ZGRF1: variants seen among roughly 807,000 people sequenced by gnomAD.
ZGRF1 encodes zinc finger GRF-type containing 1.
A neutral mutation model predicts 203.5 loss-of-function variants in ZGRF1; 196 were observed. That is an observed-to-expected ratio of 0.96 (90% CI 0.86 to 1.08). The LOEUF (loss-of-function observed/expected upper bound fraction) is 1.08. Among genes scored for constraint, ZGRF1 ranks in the 50% least tolerant of loss-of-function variants. ZGRF1 has a pLI of 0.00. For synonymous variants in ZGRF1, 809 were observed against 841.3 expected (o/e 0.96, Z 0.66); for missense variants, 2,326 against 2,416.3 (o/e 0.96, Z 0.78).
intron 15 of ZGRF1, among the ~76,000 whole-genome samples, chr4:112,582,657 A>G (rs1357874750): frequency 6.6e-6 from 1 of 151,928 alleles, no homozygotes; most frequent in African/African-American, 2.4e-5. Context: ...ACGACGTTTC[A>G]TCATGTTGCC....
chr4:112,575,813 T>C (rs575908248), intron 16 of ZGRF1, among the ~76,000 whole-genome samples: 1 of 152,290 alleles, frequency 6.6e-6, no homozygotes, highest in East Asian at 1.9e-4. Flanking sequence ...CCGCAGCTCA[T>C]GGAGGACTGC....
chr4:112,561,523 C>T lies in ZGRF1; in HGVS notation c.4698-528G>A, dbSNP rs997332397. ...AATCAAAGGATATTTATTTTTTTAC[C>T]TAGGACTTCATTGTAGTGAGAAAAA... On this transcript the variant is annotated intron_variant, in intron 18 of 27. Coordinates refer to ENST00000505019, the MANE Select transcript of ZGRF1 (RefSeq NM_018392.5). 3.0e-4 allele frequency: 45 copies of T among 152,226 alleles called. 1 individual carries two copies. Among genetic ancestry groups the T allele is most frequent in the Non-Finnish European group, 1.5e-5 (1 of 68,386 alleles). 9.4% of individuals were successfully genotyped at this position (152,226 alleles called of 1,614,324 possible).
At chr4:112,569,051 C>T (rs1366635362) in intron 16 of ZGRF1, among the ~76,000 whole-genome samples, 1 of 152,028 alleles carries the variant, frequency 6.6e-6, no homozygotes, top group Non-Finnish European at 1.5e-5. Context: ...ATCAGACTTT[C>T]AAACAGTGAA....
intron 10 of ZGRF1, among the ~76,000 whole-genome samples, chr4:112,595,862 A>G (rs934154149): frequency 6.6e-6 from 1 of 152,216 alleles, no homozygotes; most frequent in Non-Finnish European, 1.5e-5. Flanking sequence ...CTTCTTTCTT[A>G]GTGCTGTATA....
rs760731907 is a variant in ZGRF1 at position 112,562,416 on chromosome 4, T to C, written c.4652A>G (p.Tyr1551Cys). 19 of 1,609,958 alleles carry C rather than the reference T, an allele frequency of 1.2e-5. No individual in the cohort carries two copies. In the African/African-American group the frequency reaches 2.1e-4, roughly 18 times the overall value. ...ELTTLKNIQD[Y>C]FNPATLPLTQ... ...TAGAGGTAGAGTAGCTGGATTAAAGTAGTCCTGAATGTTTTTCAAAGTAGT... is the reference window on the plus strand; with the variant it reads ...TAGAGGTAGAGTAGCTGGATTAAAGCAGTCCTGAATGTTTTTCAAAGTAGT... Residue 1551 changes from tyrosine (Y) to cysteine (C), a missense_variant, in exon 18 of 28, where the codon TAC (tyrosine) becomes TGC (cysteine). Transcript: ENST00000505019.
At chr4:112,598,895 T>G (rs1304979186) in intron 10 of ZGRF1, among the ~76,000 whole-genome samples, 2 of 151,608 alleles carry the variant, frequency 1.3e-5, no homozygotes, top group African/African-American at 4.8e-5. Flanking sequence ...TATAAAAAAT[T>G]TAAAAATTAG....
intron 24 of ZGRF1, among the ~76,000 whole-genome samples, chr4:112,545,508 C>T (rs12641767): frequency 0.31 from 47,406 of 152,020 alleles, 8,731 homozygotes; most frequent in South Asian, 0.46. Context: ...GTGGAGAAAT[C>T]AGAACACTTG....
At chr4:112,586,643 GT>G (rs1747243896) in intron 12 of ZGRF1, 60 bp from the exon 13 acceptor site, 2 of 1,232,460 alleles carry the variant, frequency 1.6e-6, no homozygotes, top group East Asian at 5.4e-5. Flanking sequence ...TTACTAAAGA[GT>G]AAATTATTTT....
rs1035961491 is a variant in ZGRF1 at position 112,625,526 on chromosome 4, C to CAGTA, written c.103-1654_103-1651dup. Reference sequence around the variant, plus strand: ...CGTGAAACCCGGGAGGCGGAGCTTGCAGTAAGCCGAGATCGCGCCACTGCA... The same window carrying CAGTA: ...CGTGAAACCCGGGAGGCGGAGCTTGCAGTAAGTAAGCCGAGATCGCGCCACTGCA... On this transcript the variant is annotated intron_variant, in intron 3 of 27. Coordinates refer to ENST00000505019, the MANE Select transcript of ZGRF1 (RefSeq NM_018392.5). 6.9e-5 allele frequency among the ~76,000 whole-genome samples: 10 copies of CAGTA among 144,190 alleles called. No homozygotes were observed. In the East Asian group the frequency reaches 1.2e-3, roughly 18 times the overall value. The allele number at this position is 144,190 out of a possible 152,430, so 94.6% of individuals were successfully genotyped here. A position where few individuals can be genotyped will look rare whatever the true frequency, so the allele number is the denominator to read the frequency against.
At chr4:112,561,829 TTGA>T (rs1194639115) in intron 18 of ZGRF1, among the ~76,000 whole-genome samples, 2 of 151,790 alleles carry the variant, frequency 1.3e-5, no homozygotes, top group East Asian at 1.9e-4. Context: ...AAATTATCTC[TTGA>T]TGAAGTGAAA....
In ZGRF1 at chr4:112,620,163, C is replaced by A. The variant is rs377662869; in HGVS notation, c.190G>T (p.Asp64Tyr). The change falls in exon 5 of 28, where the codon GAT becomes TAT. Residue 64 changes from aspartate (D) to tyrosine (Y), a missense_variant. Coordinates refer to ENST00000505019, the MANE Select transcript of ZGRF1 (RefSeq NM_018392.5). ...EVKPGDDLES[D>Y]RYLITVEEVK... ...TCTTCAACTGTGATTAAGTATCGAT[C>A]ACTTTCTAAGTCATCTCCAGGTTTC... 6 of 1,607,090 alleles carry A rather than the reference C, an allele frequency of 3.7e-6. No homozygotes were observed. The highest frequency in any genetic ancestry group is 4.2e-6 in the Non-Finnish European group (5 of 1,178,004).
At chr4:112,597,791 G>A (rs987814200) in intron 10 of ZGRF1, among the ~76,000 whole-genome samples, 3 of 151,666 alleles carry the variant, frequency 2.0e-5, no homozygotes, top group African/African-American at 7.3e-5. Flanking sequence ...GGCTGAGGCA[G>A]GAGAATCGCT....
At position 112,563,188 on chromosome 4, in the gene ZGRF1, T is replaced by G; in HGVS notation, c.4525A>C (p.Asn1509His). The G allele has an allele frequency of 1.9e-6, 3 of 1,548,640 alleles. No homozygotes were observed. Among genetic ancestry groups the G allele is most frequent in the Non-Finnish European group, 2.6e-6 (3 of 1,144,370 alleles). Residue 1509 changes from asparagine to histidine, a missense_variant, in exon 17 of 28, where the codon AAT (asparagine) becomes CAT (histidine). Coordinates refer to ENST00000505019, the MANE Select transcript of ZGRF1 (RefSeq NM_018392.5). ...CSAFFGPSSI[N>H]EIEILPLKGY... ...TTCAAAGGCAGTATTTCTATCTCATTGATAGATGATGGTCCAAAGAAAGCA... is the reference window on the plus strand; with the variant it reads ...TTCAAAGGCAGTATTTCTATCTCATGGATAGATGATGGTCCAAAGAAAGCA...
rs1259809597 is a variant in ZGRF1, at chr4:112,560,766, G to A, written c.4927C>T (p.Gln1643Ter). The part of the protein sequence containing the change: ...HESIEEVKEL[Q>*]THTFPITIIH... ...ATTGTGATAGGGAAGGTATGAGTTT[G>A]CAGTTCCTTCACTTCTTCAATGCTT... Residue 1643 changes from glutamine (Q) to a stop codon, truncating the protein, a stop_gained, in exon 19 of 28, where the codon CAA becomes TAA. Transcript: ENST00000505019. LOFTEE classifies it high-confidence loss of function. 1 of 1,597,698 alleles carries A rather than the reference G, an allele frequency of 6.3e-7. No individual in the cohort carries two copies. The highest frequency in any genetic ancestry group is 8.6e-7 in the Non-Finnish European group (1 of 1,166,666).
intron 13 of ZGRF1, 121 bp downstream of exon 13, chr4:112,586,324 A>G: frequency 2.8e-6 from 2 of 718,780 alleles, no homozygotes; most frequent in Non-Finnish European, 2.1e-6. Context: ...GTCAAAAACT[A>G]GAACATATGA....
chr4:112,610,579 G>C (rs1230367839), intron 7 of ZGRF1: 1 of 149,126 alleles, frequency 6.7e-6, no homozygotes, highest in Admixed American at 6.7e-5. Context: ...TCAAAAAAAA[G>C]AAAGAAAAGA....
intron 16 of ZGRF1, among the ~76,000 whole-genome samples, chr4:112,564,229 A>G (rs1403124380): frequency 2.0e-5 from 3 of 152,222 alleles, no homozygotes; most frequent in Admixed American, 2.0e-4. Context: ...ATTTTCACTA[A>G]CAAGCTTCTT....
rs776880833 is a variant in ZGRF1 at position 112,609,448 on chromosome 4, AT to A, written c.2668-20del. On this transcript the variant is annotated intron_variant, in intron 7 of 27. Coordinates refer to ENST00000505019, the MANE Select transcript of ZGRF1 (RefSeq NM_018392.5). ...TTAGTATCTTAGGAATAGAATATTA[AT>A]TTTAGATAAACTAATAGGCAATAAT... 8 of 1,346,670 alleles carry A rather than the reference AT, an allele frequency of 5.9e-6. No individual in the cohort carries two copies. In the African/African-American group the frequency reaches 1.2e-4, roughly 20 times the overall value. 83.4% of individuals were successfully genotyped at this position (1,346,670 alleles called of 1,614,324 possible).
At position 112,581,778 on chromosome 4, in the gene ZGRF1, T is replaced by C. The variant is rs779539221; in HGVS notation, c.4323A>G (p.Lys1441=). The C allele has an allele frequency of 8.9e-6, 13 of 1,460,288 alleles. 2 individuals are homozygous for C. The South Asian group carries it at 1.6e-4, about 18-fold the overall frequency. The allele number at this position is 1,460,288 out of a possible 1,614,324, so 90.5% of individuals were successfully genotyped here. The part of the protein sequence containing the change: ...LVRKGFDFQR[K]QYGKLKKFTT... ...TAAACTTCTTTAGTTTGCCATACTGTTTTCTCTGAAAATCAAATCCTTTTC... is the reference window on the plus strand; with the variant it reads ...TAAACTTCTTTAGTTTGCCATACTGCTTTCTCTGAAAATCAAATCCTTTTC... Residue 1441 remains lysine, a synonymous_variant, in exon 16 of 28, where the codon AAA becomes AAG. Transcript: ENST00000505019.
Sources: gnomAD v4.1 joint callset for allele counts (sites outside exome capture counted in the v4.1 genomes callset) on GRCh38, gnomAD v4.1.1 for gene constraint, MANE v1.5 for transcripts, NCBI Gene and HGNC (gene_info 2026-07-23, HGNC 2026-07-21) for gene names.